The following PLCE1 variants were observed in gnomAD, a reference collection of about 807,000 sequenced individuals.
The protein encoded by PLCE1 is phospholipase C epsilon 1.
In PLCE1, 119 loss-of-function variants were observed where a neutral mutation model predicts 242.8. That is an observed-to-expected ratio of 0.49 (90% CI 0.42 to 0.57). The LOEUF is 0.57. Ranked by LOEUF, PLCE1 falls within the 20% of genes least tolerant of loss-of-function variation. The pLI, the probability that PLCE1 is intolerant of heterozygous loss-of-function variation, is 0.00. For synonymous variants in PLCE1, 945 were observed against 1,017.4 expected, an observed-to-expected ratio of 0.93 and a Z score of 1.35; for missense variants, 2,441 against 2,788.8, an observed-to-expected ratio of 0.88 and a Z score of 2.81.
Position 94,324,509 on chromosome 10 carries a change from C to A in PLCE1, c.6662C>A (p.Ala2221Asp). The A allele has an allele frequency of 6.2e-7, 1 of 1,614,104 alleles. No homozygotes were observed. The highest frequency in any genetic ancestry group is 8.5e-7 in the Non-Finnish European group (1 of 1,180,008). ...VLLDQECVFQAQSKWKGAGKF... is the reference protein window; with the variant it reads ...VLLDQECVFQDQSKWKGAGKF... ...CTGGATCAGGAGTGTGTGTTTCAAG[C>A]CCAAAGCAAGTGGAAAGGTGCAGGA... The change falls in exon 31 of 33, where the codon GCC becomes GAC. Residue 2221 changes from alanine to aspartate, a missense_variant. By Grantham distance (126) the Ala-to-Asp change is moderately radical (BLOSUM62 -2). This residue lies in a region of PLCE1 where 310 missense variants were observed against 317.2 expected (regional missense o/e 0.98). Coordinates refer to ENST00000371380, the MANE Select transcript of PLCE1 (RefSeq NM_016341.4).
chr10:94,127,617 T>C (rs959689676), intron 2 of PLCE1, among the ~76,000 whole-genome samples: 1 of 152,312 alleles, frequency 6.6e-6, no homozygotes, highest in East Asian at 1.9e-4. Flanking sequence ...GCGGCCATTT[T>C]TGTAGCCTGC....
chr10:94,000,850 C>T (rs533143065), intron 1 of PLCE1, among the ~76,000 whole-genome samples: 3 of 152,296 alleles, frequency 2.0e-5, no homozygotes, highest in South Asian at 2.1e-4. Flanking sequence ...TGCCAGGAAG[C>T]GAGGTTCCTT....
chr10:94,222,147 G>A (rs2049771163), intron 4 of PLCE1, among the ~76,000 whole-genome samples: 1 of 152,120 alleles, frequency 6.6e-6, no homozygotes, highest in African/African-American at 2.4e-5. Context: ...GACAGAACAG[G>A]CCCATGTGAA....
intron 2 of PLCE1, among the ~76,000 whole-genome samples, chr10:94,087,140 G>A (rs1333300373): frequency 6.6e-6 from 1 of 152,016 alleles, no homozygotes; most frequent in Non-Finnish European, 1.5e-5. Flanking sequence ...TTGAGCCCAG[G>A]AGTTCGAGAC....
At chr10:94,198,641 C>T (rs1486023874) in intron 4 of PLCE1, among the ~76,000 whole-genome samples, 1 of 152,336 alleles carries the variant, frequency 6.6e-6, no homozygotes, top group Non-Finnish European at 1.5e-5. Context: ...TCTCAAACCT[C>T]TGGGATCTGA....
intron 4 of PLCE1, among the ~76,000 whole-genome samples, chr10:94,203,794 C>G (rs892693494): frequency 2.0e-5 from 3 of 152,178 alleles, no homozygotes; most frequent in African/African-American, 7.2e-5. Flanking sequence ...GGCTTCCCTT[C>G]CCAAGAGGAG....
At position 94,278,274 on chromosome 10, in the gene PLCE1, C is replaced by T. The variant is rs376147224; in HGVS notation, c.4666-1508C>T. 9.2e-5 allele frequency among the ~76,000 whole-genome samples: 14 copies of T among 152,154 alleles called. No homozygotes were observed. In the East Asian group the frequency reaches 9.6e-4, roughly 10 times the overall value. Reference sequence around the variant, plus strand: ...CCACAAATAGAATTTAGGGAGTCTACGAATATAAATGGAAAAAAATTACAT... The same window carrying T: ...CCACAAATAGAATTTAGGGAGTCTATGAATATAAATGGAAAAAAATTACAT... On this transcript the variant is annotated intron_variant, in intron 19 of 32. Coordinates refer to ENST00000371380, the MANE Select transcript of PLCE1 (RefSeq NM_016341.4).
intron 3 of PLCE1, among the ~76,000 whole-genome samples, chr10:94,150,318 TAAG>T (rs1675955973): frequency 2.0e-5 from 3 of 152,176 alleles, no homozygotes; most frequent in African/African-American, 7.2e-5. Context: ...TTCAATTATT[TAAG>T]AAGGAGACTA....
At chr10:94,133,526 C>T (rs1030570403) in intron 3 of PLCE1, among the ~76,000 whole-genome samples, 5 of 152,222 alleles carry the variant, frequency 3.3e-5, no homozygotes, top group Non-Finnish European at 7.3e-5. Flanking sequence ...GCTATTGTCC[C>T]TCCATAGCAG....
At chr10:94,103,829 A>G (rs543575183) in intron 2 of PLCE1, among the ~76,000 whole-genome samples, 1 of 149,860 alleles carries the variant, frequency 6.7e-6, no homozygotes, top group Admixed American at 6.6e-5. Flanking sequence ...GAATAACTCA[A>G]GCAAAGTCAT....
chr10:94,068,634 A>T (rs1399787022), intron 2 of PLCE1, among the ~76,000 whole-genome samples: 1 of 152,188 alleles, frequency 6.6e-6, no homozygotes, highest in Non-Finnish European at 1.5e-5. Context: ...ACATGTATGG[A>T]ATGCTTACTA....
At chr10:94,002,110 GA>G (rs11300442) in intron 1 of PLCE1, among the ~76,000 whole-genome samples, 1,831 of 143,330 alleles carry the variant, frequency 0.013, 13 homozygotes, top group Middle Eastern at 0.025. Flanking sequence ...AGGTAGTTGT[GA>G]AAAAAAAAAA....
chr10:94,269,094 C>CTT (rs71031565), intron 17 of PLCE1, 58 bp downstream of exon 17: 3,475 of 310,196 alleles, frequency 0.011, 11 homozygotes, highest in African/African-American at 0.021. Flanking sequence ...CTTCATTTGT[C>CTT]TTTTTTTTTT....
At chr10:94,200,709 G>A (rs1424577905) in intron 4 of PLCE1, among the ~76,000 whole-genome samples, 1 of 152,058 alleles carries the variant, frequency 6.6e-6, no homozygotes, top group Non-Finnish European at 1.5e-5. Flanking sequence ...TTACAGTAAG[G>A]AAAGCTGAGA....
At chr10:94,110,671 G>T (rs897549774) in intron 2 of PLCE1, among the ~76,000 whole-genome samples, 10 of 152,180 alleles carry the variant, frequency 6.6e-5, no homozygotes, top group African/African-American at 2.4e-4. Flanking sequence ...CAGTGGTAGT[G>T]GTATCACAGG....
chr10:94,315,676 T>C (rs7908638), intron 28 of PLCE1, among the ~76,000 whole-genome samples: 46,469 of 148,592 alleles, frequency 0.31, 7,461 homozygotes, highest in Middle Eastern at 0.48. Context: ...GGCTGAGGCA[T>C]GAGAATCACT....
At chr10:94,183,265 C>T (rs2048367461) in intron 4 of PLCE1, among the ~76,000 whole-genome samples, 1 of 152,168 alleles carries the variant, frequency 6.6e-6, no homozygotes, top group African/African-American at 2.4e-5. Context: ...ATCCAACTGC[C>T]TTCTCAATGC....
Position 94,254,921 on chromosome 10 carries a change from C to T in PLCE1, c.3426C>T (p.Asn1142=), listed in dbSNP as rs756521986. 9.3e-6 allele frequency: 15 copies of T among 1,613,986 alleles called. No homozygotes were observed. Among genetic ancestry groups the T allele is most frequent in the Admixed American group, 1.7e-5 (1 of 60,000 alleles). ...SEVNAIANPP[N]PLPSRRAHSL... is the part of the protein sequence containing the mutation. ...TGAATGCCATCGCTAACCCTCCAAA[C>T]CCCCTCCCTTCCAGAAGAGCCCACT... Residue 1142 remains asparagine (N), a synonymous_variant, in exon 11 of 33, where the codon AAC becomes AAT. Coordinates refer to ENST00000371380, the MANE Select transcript of PLCE1 (RefSeq NM_016341.4).
intron 24 of PLCE1, among the ~76,000 whole-genome samples, chr10:94,299,007 A>T (rs1230761817): frequency 6.6e-6 from 1 of 152,194 alleles, no homozygotes; most frequent in Non-Finnish European, 1.5e-5. Context: ...AACACTGCCC[A>T]GTTAACCTGT....
Sources: allele counts gnomAD v4.1 joint callset (sites outside exome capture counted in the v4.1 genomes callset), GRCh38; gene constraint gnomAD v4.1.1; regional missense constraint gnomAD v4.1.1; transcripts MANE v1.5; gene names NCBI Gene and HGNC (gene_info 2026-07-23, HGNC 2026-07-21).